NXNL2: variants seen among roughly 807,000 people sequenced by gnomAD.
NXNL2 encodes nucleoredoxin like 2.
Under a neutral mutation model 11.1 loss-of-function variants are expected in NXNL2, and 7 were observed. That is an observed-to-expected ratio of 0.63 (90% CI 0.36 to 1.18). NXNL2 has a LOEUF of 1.18. Among genes scored for constraint, NXNL2 ranks in the 50% most tolerant of loss-of-function variants. The pLI, the probability that NXNL2 is intolerant of heterozygous loss-of-function variation, is 0.02. For missense variants in NXNL2, 233 were observed against 217.7 expected (o/e 1.07, Z -0.44); for synonymous variants, 109 against 101.8 (o/e 1.07, Z -0.42).
chr9:88,565,538 A>T (rs1830156008), intron 1 of NXNL2, among the ~76,000 whole-genome samples: 1 of 151,884 alleles, frequency 6.6e-6, no homozygotes, highest in Non-Finnish European at 1.5e-5. Context: ...TTTAATTTTA[A>T]TTTTTTTAAA....
At chr9:88,578,741 G>C (rs759574861), downstream of NXNL2, among the ~76,000 whole-genome samples, 1 of 152,224 alleles carries the variant, frequency 6.6e-6, no homozygotes, top group Non-Finnish European at 1.5e-5. Context: ...GACTTCCTTA[G>C]GGCACAGGAA....
intron 1 of NXNL2, among the ~76,000 whole-genome samples, chr9:88,565,996 C>G (rs1301412814): frequency 6.6e-6 from 1 of 152,156 alleles, no homozygotes; most frequent in Non-Finnish European, 1.5e-5. Context: ...AGTGCCTATT[C>G]AAGTCCTAAT....
chr9:88,581,535 T>C (rs947770212), intron 1 of NXNL2, among the ~76,000 whole-genome samples: 46 of 152,070 alleles, frequency 3.0e-4, no homozygotes, highest in Non-Finnish European at 8.8e-5. Context: ...CCTCGTAGGT[T>C]CAAGCGATTC....
chr9:88,566,907 CATCTATCT>C (rs573841471), intron 1 of NXNL2, among the ~76,000 whole-genome samples: 3 of 151,838 alleles, frequency 2.0e-5, no homozygotes, highest in Non-Finnish European at 4.4e-5. Context: ...ATCTATCTAT[CATCTATCT>C]ATCTATCTAT....
downstream of NXNL2, among the ~76,000 whole-genome samples, chr9:88,549,970 A>G (rs946976526): frequency 6.6e-6 from 1 of 152,158 alleles, no homozygotes; most frequent in African/African-American, 2.4e-5. Flanking sequence ...GATTACAGGC[A>G]TGGGCCACCA....
intron 1 of NXNL2, among the ~76,000 whole-genome samples, chr9:88,552,753 G>A (rs956955113): frequency 2.0e-5 from 3 of 152,172 alleles, no homozygotes; most frequent in Non-Finnish European, 4.4e-5. Flanking sequence ...ACAGGCATGA[G>A]CCACCGCGCC....
chr9:88,573,104 A>G (rs542439587), intron 2 of NXNL2, among the ~76,000 whole-genome samples: 2 of 152,088 alleles, frequency 1.3e-5, no homozygotes, highest in African/African-American at 4.8e-5. Context: ...TTGAACATTT[A>G]TTGAAATTGT....
chr9:88,575,192 CTGTGCTCATTAACAATGTGCTG>C, exon 3 of NXNL2: 1 of 983,368 alleles, frequency 1.0e-6, no homozygotes, highest in Non-Finnish European at 1.2e-6. Context: ...TTCTGCGAGT[CTGTGCTCATTAACAATGTGCTG>C]TGACCATGTG....
chr9:88,580,649 G>C (rs116040747), downstream of NXNL2, among the ~76,000 whole-genome samples: 1 of 152,128 alleles, frequency 6.6e-6, no homozygotes, highest in African/African-American at 2.4e-5. Flanking sequence ...AGTTTCCCCA[G>C]TGTTTACACC....
At chr9:88,568,961 C>T (rs1830219926) in intron 1 of NXNL2, among the ~76,000 whole-genome samples, 1 of 151,966 alleles carries the variant, frequency 6.6e-6, no homozygotes, top group African/African-American at 2.4e-5. Context: ...CAACGCCTCA[C>T]TCTCACCCAG....
chr9:88,561,233 G>T (rs148266126), intron 1 of NXNL2, among the ~76,000 whole-genome samples: 3,921 of 152,192 alleles, frequency 0.026, 176 homozygotes, highest in African/African-American at 0.087. Context: ...TAGCCTCCCA[G>T]CCTACATCTT....
intron 1 of NXNL2, among the ~76,000 whole-genome samples, chr9:88,567,146 CT>C (rs1033342495): frequency 2.6e-5 from 4 of 151,832 alleles, no homozygotes; most frequent in African/African-American, 4.8e-5. Flanking sequence ...TTATTGAATT[CT>C]TTTTTTTCTC....
rs527316358 is a variant in NXNL2 at position 88,540,168 on chromosome 9, TA to T, written c.303-4206del. Reference sequence around the variant, plus strand: ...TAACACGGTGAAACCCTGTCTCTACTAAAAATACAAAAAATTAGCCAGGCAT... The same window carrying T: ...TAACACGGTGAAACCCTGTCTCTACTAAAATACAAAAAATTAGCCAGGCAT... On this transcript the variant is annotated intron_variant, in intron 1 of 1. Coordinates refer to ENST00000375854, the MANE Select transcript of NXNL2 (RefSeq NM_001161625.2). Among the ~76,000 whole-genome samples, 791 of 151,902 alleles carry T rather than the reference TA, an allele frequency of 5.2e-3. 2 individuals are homozygous for T. The highest frequency in any genetic ancestry group is 0.01 in the Middle Eastern group (3 of 294).
At chr9:88,564,916 T>C (rs747652914) in intron 1 of NXNL2, among the ~76,000 whole-genome samples, 2 of 152,212 alleles carry the variant, frequency 1.3e-5, no homozygotes, top group African/African-American at 2.4e-5. Context: ...TAGTTGACAA[T>C]ACAGTATTGC....
intron 1 of NXNL2, among the ~76,000 whole-genome samples, chr9:88,567,696 T>A (rs1036623655): frequency 6.6e-6 from 1 of 152,218 alleles, no homozygotes; most frequent in African/African-American, 2.4e-5. Flanking sequence ...TAATCTGTCT[T>A]TCTCCCGCTA....
chr9:88,571,589 G>A (rs1830266296), intron 2 of NXNL2, among the ~76,000 whole-genome samples: 1 of 152,212 alleles, frequency 6.6e-6, no homozygotes, highest in Non-Finnish European at 1.5e-5. Flanking sequence ...TGCTGCGCGT[G>A]TGGAGTGGGC....
intron 1 of NXNL2, among the ~76,000 whole-genome samples, chr9:88,540,782 G>T (rs1392493422): frequency 7.0e-6 from 1 of 142,348 alleles, no homozygotes; most frequent in African/African-American, 2.5e-5. Flanking sequence ...GGCCTGTCCT[G>T]GCAGGGGTCA....
downstream of NXNL2, among the ~76,000 whole-genome samples, chr9:88,577,314 T>C (rs1187369356): frequency 6.6e-6 from 1 of 151,596 alleles, no homozygotes; most frequent in Non-Finnish European, 1.5e-5. Flanking sequence ...GGGGGCGGCA[T>C]GAGACCATCA....
In NXNL2 at chr9:88,544,426, T is replaced by C. The variant is rs201353888; in HGVS notation, c.350T>C (p.Ile117Thr). Residue 117 changes from isoleucine (I) to threonine (T), a missense_variant, in exon 2 of 2, where the codon ATT (isoleucine) becomes ACT (threonine). Transcript: ENST00000375854. ...GTCACAGCCATCCCCAAGCTTGTGA[T>C]TGTGAAACAAAATGGGGAGGTCATC... ...YNVTAIPKLV[I>T]VKQNGEVITN... 65 of 1,551,892 alleles carry C rather than the reference T, an allele frequency of 4.2e-5. No individual in the cohort carries two copies. In the Middle Eastern group the frequency reaches 6.7e-4, roughly 16 times the overall value.
Sources: allele counts gnomAD v4.1 joint callset (sites outside exome capture counted in the v4.1 genomes callset), GRCh38; gene constraint gnomAD v4.1.1; transcripts MANE v1.5; gene names NCBI Gene and HGNC (gene_info 2026-07-23, HGNC 2026-07-21).